The following TLR5 variants were observed in gnomAD, a reference collection of about 807,000 sequenced individuals.
TLR5 encodes the protein toll like receptor 5.
For missense variants in TLR5, 944 were observed against 999.8 expected, an observed-to-expected ratio of 0.94 and a Z score of 0.75; for synonymous variants, 373 against 384.4, an observed-to-expected ratio of 0.97 and a Z score of 0.35.
Position 223,142,026 on chromosome 1 carries a change from C to T in TLR5, c.-554-263G>A, listed in dbSNP as rs544856512. 6.6e-5 allele frequency among the ~76,000 whole-genome samples: 10 copies of T among 152,214 alleles called. No individual in the cohort carries two copies. The South Asian group carries it at 1.7e-3, about 25-fold the overall frequency. Reference sequence around the variant, plus strand: ...GCTCCAGGGCTTCCCTTCTGACTGGCTGTGCATGGCACACTGGGAATTGTT... The same window carrying T: ...GCTCCAGGGCTTCCCTTCTGACTGGTTGTGCATGGCACACTGGGAATTGTT... On this transcript the variant is annotated intron_variant, in intron 1 of 5. Coordinates refer to ENST00000642603, the MANE Select transcript of TLR5 (RefSeq NM_003268.6).
intron 5 of TLR5, among the ~76,000 whole-genome samples, chr1:223,114,982 G>A (rs1456322344): frequency 1.3e-5 from 2 of 152,134 alleles, no homozygotes; most frequent in Admixed American, 6.5e-5. Context: ...GGCCAGACTG[G>A]AGACTCCTCA....
At chr1:223,116,116 C>T (rs1054339911) in intron 5 of TLR5, among the ~76,000 whole-genome samples, 2 of 152,216 alleles carry the variant, frequency 1.3e-5, no homozygotes, top group Non-Finnish European at 2.9e-5. Flanking sequence ...TCCATCAAAG[C>T]AATGATCACA....
At chr1:223,129,512 A>G (rs851188) in intron 5 of TLR5, 100,606 of 152,144 alleles carry the variant, frequency 0.66, 34,444 homozygotes, top group African/African-American at 0.84. Context: ...ACACCGTGTC[A>G]GGCCCGCGAG....
At position 223,110,459 on chromosome 1, in the gene TLR5, G is replaced by A; in HGVS notation, c.2573C>T (p.Ser858Phe). 6.2e-7 allele frequency: 1 copy of A among 1,614,020 alleles called. No homozygotes were observed. The highest frequency in any genetic ancestry group is 8.5e-7 in the Non-Finnish European group (1 of 1,180,008). Reference protein sequence around the residue: ...NIPLQTVATIS With the variant: ...NIPLQTVATIF ...AGTTGGAAATTGCTCCTTTGATTAGGAGATGGTTGCTACAGTTTGCAACGG... is the reference window on the plus strand; with the variant it reads ...AGTTGGAAATTGCTCCTTTGATTAGAAGATGGTTGCTACAGTTTGCAACGG... The change falls in exon 6 of 6, where the codon TCC (serine) becomes TTC (phenylalanine). Residue 858 changes from serine (S) to phenylalanine (F), a missense_variant. Ser to Phe is a radical substitution (Grantham distance 155, BLOSUM62 -2). Transcript: ENST00000642603.
intron 5 of TLR5, among the ~76,000 whole-genome samples, chr1:223,120,791 T>C (rs1032364578): frequency 5.9e-5 from 9 of 152,166 alleles, no homozygotes; most frequent in African/African-American, 1.4e-4. Flanking sequence ...ATAAAAAAGT[T>C]TGAGAAGAGG....
intron 5 of TLR5, 104 bp from the exon 6 acceptor site, chr1:223,113,139 T>G: frequency 9.0e-7 from 1 of 1,112,298 alleles, no homozygotes. Flanking sequence ...CCTGCTCCCT[T>G]TGACCCCTTC....
chr1:223,124,792 T>TA (rs1657100351), intron 5 of TLR5, among the ~76,000 whole-genome samples: 2 of 152,070 alleles, frequency 1.3e-5, no homozygotes, highest in Admixed American at 6.6e-5. Flanking sequence ...TTAGTAGAGA[T>TA]AGCCTTTCAC....
rs372708351 is a variant in TLR5, at chr1:223,112,586, C to G, written c.446G>C (p.Arg149Pro). Residue 149 changes from arginine (R) to proline (P), a missense_variant, in exon 6 of 6, where the codon CGC (arginine) becomes CCC (proline). Coordinates refer to ENST00000642603, the MANE Select transcript of TLR5 (RefSeq NM_003268.6). ...GYFRNLKALTRLDLSKNQIRS... is the reference protein window; with the variant it reads ...GYFRNLKALTPLDLSKNQIRS... ...AATCTGATTTTTGGATAGATCCAAG[C>G]GAGTTAAAGCCTTTAAATTTCTGAA... is the stretch of plus-strand genomic sequence containing the variant. The G allele has an allele frequency of 6.8e-6, 11 of 1,614,016 alleles. No homozygotes were observed. The highest frequency in any genetic ancestry group is 2.7e-5 in the African/African-American group (2 of 74,910).
At chr1:223,123,421 A>C (rs1657027824) in intron 5 of TLR5, 1 of 152,226 alleles carries the variant, frequency 6.6e-6, no homozygotes, top group Non-Finnish European at 1.5e-5. Flanking sequence ...AGCTAAAATG[A>C]AAGTAAGTAA....
At chr1:223,120,615 T>G (rs1208889719) in intron 5 of TLR5, among the ~76,000 whole-genome samples, 4 of 152,246 alleles carry the variant, frequency 2.6e-5, no homozygotes, top group Non-Finnish European at 5.9e-5. Context: ...GTTTGACTTT[T>G]TTTTATTGAC....
At position 223,110,803 on chromosome 1, in the gene TLR5, A is replaced by C; in HGVS notation, c.2229T>G (p.Asn743Lys). ...TACTGTTCCAGATGGCATCCTGGAT[A>C]TTGGCAATGCGGTTTTCTCCTGGGA... ...DFVPGENRIA[N>K]IQDAIWNSRK... The change falls in exon 6 of 6, where the codon AAT becomes AAG. Residue 743 changes from asparagine to lysine, a missense_variant. Physicochemically the swap from Asn to Lys is moderately conservative, Grantham distance 94. Coordinates refer to ENST00000642603, the MANE Select transcript of TLR5 (RefSeq NM_003268.6). 1 of 1,614,258 alleles carries C rather than the reference A, an allele frequency of 6.2e-7. No homozygotes were observed. Among genetic ancestry groups the C allele is most frequent in the Non-Finnish European group, 8.5e-7 (1 of 1,180,042 alleles).
At chr1:223,114,223 C>A (rs979513927) in intron 5 of TLR5, among the ~76,000 whole-genome samples, 1 of 152,136 alleles carries the variant, frequency 6.6e-6, no homozygotes, top group Non-Finnish European at 1.5e-5. Flanking sequence ...ATGGGTGCAG[C>A]AGAAATGGTG....
intron 4 of TLR5, chr1:223,134,459 G>A (rs1657523403): frequency 6.6e-6 from 1 of 152,104 alleles, no homozygotes. Context: ...AGCAAAAACA[G>A]CAGCAAGCAA....
chr1:223,111,374 A>G lies in TLR5; in HGVS notation c.1658T>C (p.Leu553Pro), dbSNP rs763597968. 1 of 1,614,232 alleles carries G rather than the reference A, an allele frequency of 6.2e-7. No homozygotes were observed. The highest frequency in any genetic ancestry group is 8.5e-7 in the Non-Finnish European group (1 of 1,180,026). Residue 553 changes from leucine (L) to proline (P), a missense_variant, in exon 6 of 6, where the codon CTG becomes CCG. By Grantham distance (98) the Leu-to-Pro change is moderately conservative. Transcript: ENST00000642603. ...TAGGAGCTGGTTCCTGGATATGTCC[A>G]GGATCTCTAAATTAGCAGGTAAATC... ...HNDLPANLEI[L>P]DISRNQLLAP...
At chr1:223,115,634 C>T (rs1056563075) in intron 5 of TLR5, among the ~76,000 whole-genome samples, 8 of 88,738 alleles carry the variant, frequency 9.0e-5, no homozygotes, top group Admixed American at 3.5e-4. Context: ...TTCTGGTGGA[C>T]GGAAGAGGTG....
rs200696063 is a variant in TLR5 at position 223,111,696 on chromosome 1, G to A, written c.1336C>T (p.Arg446Trp). The change falls in exon 6 of 6, where the codon CGG (arginine) becomes TGG (tryptophan). Residue 446 changes from arginine to tryptophan, a missense_variant. By Grantham distance (101) the Arg-to-Trp change is moderately radical (BLOSUM62 -3). Transcript: ENST00000642603. ...ATGAGAATCTGGAGATGAGGTACCC[G>A]TAGGAGAAAGTAGAGAATATCTAGA... ...ENLDILYFLL[R>W]VPHLQILILN... 95 of 1,614,028 alleles carry A rather than the reference G, an allele frequency of 5.9e-5. No homozygotes were observed. The highest frequency in any genetic ancestry group is 1.6e-4 in the Middle Eastern group (1 of 6,084).
Position 223,111,242 on chromosome 1 carries a change from G to T in TLR5, c.1790C>A (p.Thr597Asn), listed in dbSNP as rs543960860. ...AGGAGGCCCAGCTATAGTGACATTG[G>T]TGTGATTAAGCCAATTGATAAAAGT... ...LSTFINWLNHTNVTIAGPPAD... is the reference protein window; with the variant it reads ...LSTFINWLNHNNVTIAGPPAD... The change falls in exon 6 of 6, where the codon ACC (threonine) becomes AAC (asparagine). Residue 597 changes from threonine to asparagine, a missense_variant. Transcript: ENST00000642603. 6.2e-7 allele frequency: 1 copy of T among 1,614,154 alleles called. No individual in the cohort carries two copies.
intron 2 of TLR5, among the ~76,000 whole-genome samples, chr1:223,139,378 C>T (rs1571770616): frequency 6.6e-6 from 1 of 152,120 alleles, no homozygotes; most frequent in South Asian, 2.1e-4. Flanking sequence ...GGGAGATGGC[C>T]AAGTAACCAG....
chr1:223,135,791 A>AT (rs1412037816), intron 3 of TLR5, among the ~76,000 whole-genome samples: 1 of 152,220 alleles, frequency 6.6e-6, no homozygotes, highest in Admixed American at 6.5e-5. Context: ...AAATGATGTT[A>AT]TTAATGTACC....
Sources: allele counts gnomAD v4.1 joint callset (sites outside exome capture counted in the v4.1 genomes callset), GRCh38; gene constraint gnomAD v4.1.1; transcripts MANE v1.5; gene names NCBI Gene and HGNC (gene_info 2026-07-23, HGNC 2026-07-21).